Variants in KIF6 observed in about 807,000 individuals in gnomAD.
KIF6 encodes kinesin family member 6.
Under a neutral mutation model 112.7 loss-of-function variants are expected in KIF6, and 106 were observed. The observed-to-expected ratio is 0.94, with a 90% CI of 0.80 to 1.11. KIF6 has a LOEUF of 1.11. Ranked by LOEUF, KIF6 falls within the 50% of genes least tolerant of loss-of-function variation. KIF6 has a pLI of 0.00. For missense variants in KIF6, 929 were observed against 964.0 expected (o/e 0.96, Z 0.48); for synonymous variants, 339 against 339.9 (o/e 1.00, Z 0.03).
intron 3 of KIF6, among the ~76,000 whole-genome samples, chr6:39,688,999 T>C (rs893259550): frequency 6.6e-6 from 1 of 152,082 alleles, no homozygotes; most frequent in Non-Finnish European, 1.5e-5. Context: ...TTATTTGTAG[T>C]CCCAGTTATT....
chr6:39,711,128 C>A (rs1203117354), intron 3 of KIF6, among the ~76,000 whole-genome samples: 1 of 148,386 alleles, frequency 6.7e-6, no homozygotes, highest in African/African-American at 2.5e-5. Flanking sequence ...AAGAAATGGT[C>A]CATGTGATGA....
At chr6:39,502,384 A>C (rs571055860) in intron 13 of KIF6, among the ~76,000 whole-genome samples, 2 of 151,590 alleles carry the variant, frequency 1.3e-5, no homozygotes, top group South Asian at 2.1e-4. Flanking sequence ...TAAAAAAAAC[A>C]CACACACACT....
intron 13 of KIF6, among the ~76,000 whole-genome samples, chr6:39,502,875 G>A (rs1041674417): frequency 6.6e-6 from 1 of 151,968 alleles, no homozygotes; most frequent in Non-Finnish European, 1.5e-5. Context: ...AAGAGACTTG[G>A]GCTTCACACA....
chr6:39,418,215 T>TCCTAA (rs1770075107), intron 15 of KIF6, among the ~76,000 whole-genome samples: 1 of 152,212 alleles, frequency 6.6e-6, no homozygotes, highest in Admixed American at 6.5e-5. Flanking sequence ...TCCCAGTTTT[T>TCCTAA]CTCATGCAGT....
chr6:39,379,254 G>A (rs1766715679), intron 16 of KIF6, among the ~76,000 whole-genome samples: 1 of 152,178 alleles, frequency 6.6e-6, no homozygotes, highest in South Asian at 2.1e-4. Flanking sequence ...GTTGTAATTT[G>A]CTCAGCTGTG....
At chr6:39,530,506 C>G (rs1355644816) in intron 13 of KIF6, among the ~76,000 whole-genome samples, 4 of 152,290 alleles carry the variant, frequency 2.6e-5, no homozygotes, top group Non-Finnish European at 4.4e-5. Context: ...TTCAATGAAA[C>G]CAAAACAGAC....
chr6:39,416,230 G>A (rs1769909269), intron 15 of KIF6, among the ~76,000 whole-genome samples: 1 of 152,232 alleles, frequency 6.6e-6, no homozygotes, highest in African/African-American at 2.4e-5. Context: ...AAACAGTGAT[G>A]ATGTAAAAAA....
intron 4 of KIF6, among the ~76,000 whole-genome samples, chr6:39,635,198 C>A (rs1215577846): frequency 6.6e-6 from 1 of 151,794 alleles, no homozygotes; most frequent in Non-Finnish European, 1.5e-5. Context: ...TTATTGGTTC[C>A]ACATTATACA....
At chr6:39,426,662 G>A (rs527410600) in intron 14 of KIF6, among the ~76,000 whole-genome samples, 2 of 152,026 alleles carry the variant, frequency 1.3e-5, no homozygotes, top group African/African-American at 4.8e-5. Flanking sequence ...GAGGCAGGAG[G>A]ATCACTTGAA....
chr6:39,535,140 A>G (rs1778341292), intron 13 of KIF6, among the ~76,000 whole-genome samples: 2 of 152,260 alleles, frequency 1.3e-5, no homozygotes, highest in African/African-American at 4.8e-5. Flanking sequence ...GAGACTAGGA[A>G]GAAACCACAT....
chr6:39,611,035 G>A (rs556375553), intron 6 of KIF6, among the ~76,000 whole-genome samples: 3 of 152,276 alleles, frequency 2.0e-5, no homozygotes, highest in East Asian at 3.9e-4. Flanking sequence ...GGCTGGGCGC[G>A]GTGGCTCACA....
At chr6:39,558,421 T>C (rs145555657) in intron 10 of KIF6, among the ~76,000 whole-genome samples, 138 of 152,270 alleles carry the variant, frequency 9.1e-4, no homozygotes, top group Middle Eastern at 3.4e-3. Flanking sequence ...AGAACCCATA[T>C]AAAACTGTAA....
intron 13 of KIF6, among the ~76,000 whole-genome samples, chr6:39,473,672 T>C (rs749134855): frequency 1.3e-5 from 2 of 152,162 alleles, no homozygotes; most frequent in Admixed American, 6.5e-5. Context: ...GGGGGCTGTT[T>C]TTTGTTTTTG....
At position 39,540,002 on chromosome 6, in the gene KIF6, C is replaced by T. The variant is rs1180881383; in HGVS notation, c.1645+1G>A. On this transcript the variant is annotated splice_donor_variant, in intron 13 of 22. Coordinates refer to ENST00000287152, the MANE Select transcript of KIF6 (RefSeq NM_145027.6). LOFTEE classifies it high-confidence loss of function. ...AAATACTGGAAATTTAGTCAACTGA[C>T]CTATTTTCTTGTGGAGCAAACTGGA... The T allele has an allele frequency of 7.5e-6, 12 of 1,593,276 alleles. No individual in the cohort carries two copies. Among genetic ancestry groups the T allele is most frequent in the African/African-American group, 1.4e-5 (1 of 73,814 alleles).
intron 7 of KIF6, 76 bp downstream of exon 7, chr6:39,595,954 CATCATAATAAAAAAAATTCTAATA>C: frequency 1.2e-6 from 1 of 865,620 alleles, no homozygotes; most frequent in Non-Finnish European, 1.8e-6. Context: ...ATATATATTT[CATCATAATAAAAAAAATTCTAATA>C]GAATGCCTGA....
intron 3 of KIF6, among the ~76,000 whole-genome samples, chr6:39,670,132 C>T (rs1231996757): frequency 3.3e-5 from 5 of 152,038 alleles, no homozygotes; most frequent in African/African-American, 1.2e-4. Flanking sequence ...ACTCTGGGCG[C>T]GGGAGAAGGA....
chr6:39,412,589 C>T (rs1325379850), intron 15 of KIF6, among the ~76,000 whole-genome samples: 1 of 152,160 alleles, frequency 6.6e-6, no homozygotes, highest in Non-Finnish European at 1.5e-5. Flanking sequence ...AGTCGGTTCT[C>T]TTACAACCAT....
intron 9 of KIF6, chr6:39,583,451 A>G (rs1249625068): frequency 2.1e-6 from 1 of 471,678 alleles, no homozygotes; most frequent in East Asian, 6.9e-5. Flanking sequence ...TCTGCAGAAG[A>G]GAACTCCATC....
At chr6:39,669,002 A>T (rs1582408772) in intron 3 of KIF6, among the ~76,000 whole-genome samples, 1 of 152,306 alleles carries the variant, frequency 6.6e-6, no homozygotes, top group East Asian at 1.9e-4. Flanking sequence ...TGAGAAAGTA[A>T]CTTGAATAAA....
Sources: allele counts gnomAD v4.1 joint callset (sites outside exome capture counted in the v4.1 genomes callset), GRCh38; gene constraint gnomAD v4.1.1; transcripts MANE v1.5; gene names NCBI Gene and HGNC (gene_info 2026-07-23, HGNC 2026-07-21).